Variants in HMGCLL1 observed in about 807,000 individuals in gnomAD.
The protein encoded by HMGCLL1 is 3-hydroxymethyl-3-methylglutaryl-CoA lyase, cytoplasmic.
Under a neutral mutation model 39.1 loss-of-function variants are expected in HMGCLL1, and 36 were observed. That is an observed-to-expected ratio of 0.92 (90% confidence interval 0.71 to 1.22). The LOEUF is 1.22. HMGCLL1 is among the 50% of genes most tolerant of loss of function. The pLI is 0.00. For missense variants in HMGCLL1, 451 were observed against 416.5 expected, an observed-to-expected ratio of 1.08 and a Z score of -0.72; for synonymous variants, 149 against 144.0, an observed-to-expected ratio of 1.03 and a Z score of -0.25.
chr6:55,675,802 T>G, the HMGCLL1 span, among the ~76,000 whole-genome samples: 1 of 152,318 alleles, frequency 6.6e-6, no homozygotes, highest in East Asian at 1.9e-4. Flanking sequence ...TGTGAATGTT[T>G]GATGTTATTG....
At chr6:55,626,425 G>C in the HMGCLL1 span, among the ~76,000 whole-genome samples, 3 of 152,214 alleles carry the variant, frequency 2.0e-5, no homozygotes, top group East Asian at 5.8e-4. Context: ...GAAGTAGCTG[G>C]ATTGATAGAA....
chr6:55,477,366 T>TA (rs1299865715), intron 7 of HMGCLL1, among the ~76,000 whole-genome samples: 6 of 33,364 alleles, frequency 1.8e-4, no homozygotes, highest in African/African-American at 6.6e-4. Flanking sequence ...ATATATTATA[T>TA]TAATATAATA....
At chr6:55,615,816 C>A in the HMGCLL1 span, among the ~76,000 whole-genome samples, 3 of 152,094 alleles carry the variant, frequency 2.0e-5, no homozygotes, top group Admixed American at 6.6e-5. Context: ...AAAGCTTATT[C>A]TTTGGGAAAG....
At chr6:55,492,091 A>C (rs1028154500) in intron 7 of HMGCLL1, among the ~76,000 whole-genome samples, 2 of 152,118 alleles carry the variant, frequency 1.3e-5, no homozygotes, top group Non-Finnish European at 2.9e-5. Context: ...TCCTTGCCTT[A>C]ATATTAACTT....
the HMGCLL1 span, among the ~76,000 whole-genome samples, chr6:55,600,857 A>G: frequency 6.6e-6 from 1 of 152,150 alleles, no homozygotes; most frequent in African/African-American, 2.4e-5. Context: ...TGTAGAAGCT[A>G]TGTTACAATG....
the HMGCLL1 span, among the ~76,000 whole-genome samples, chr6:55,629,217 C>T: frequency 8.5e-5 from 13 of 152,092 alleles, no homozygotes; most frequent in Non-Finnish European, 1.8e-4. Context: ...GAGGTGGTCT[C>T]AGATGGAGAT....
intron 1 of HMGCLL1, among the ~76,000 whole-genome samples, chr6:55,570,892 A>C (rs766884621): frequency 2.8e-4 from 43 of 152,334 alleles, no homozygotes; most frequent in East Asian, 7.7e-4. Context: ...GAGGCCTCAC[A>C]ATCATGGTGG....
chr6:55,589,377 A>C, the HMGCLL1 span, among the ~76,000 whole-genome samples: 1 of 152,170 alleles, frequency 6.6e-6, no homozygotes, highest in Admixed American at 6.5e-5. Flanking sequence ...AACTCTCAAT[A>C]AATTAGGTAT....
In HMGCLL1 at chr6:55,514,040, A is replaced by G. The variant is rs762698764; in HGVS notation, c.542+8T>C. The stretch of plus-strand genomic sequence containing the variant: ...AACAAAACAGAATTTGTGGGATTTC[A>G]TAAGTACCCTCGTGCTGGAATATTC... On this transcript the variant is annotated splice_region_variant and intron_variant, in intron 5 of 8. Coordinates refer to ENST00000274901, the MANE Select transcript of HMGCLL1 (RefSeq NM_001042406.2). The G allele has an allele frequency of 4.8e-5, 78 of 1,608,630 alleles. No homozygotes were observed. Among genetic ancestry groups the G allele is most frequent in the Non-Finnish European group, 2.0e-5 (24 of 1,178,448 alleles).
chr6:55,591,743 T>C, the HMGCLL1 span, among the ~76,000 whole-genome samples: 3 of 151,578 alleles, frequency 2.0e-5, no homozygotes, highest in East Asian at 3.9e-4. Flanking sequence ...TTTCCCAGAG[T>C]TCCCATGGAA....
At chr6:55,678,899 T>A in the HMGCLL1 span, among the ~76,000 whole-genome samples, 1 of 152,194 alleles carries the variant, frequency 6.6e-6, no homozygotes, top group East Asian at 1.9e-4. Flanking sequence ...GTATACTTAC[T>A]CTTGTTAACA....
At chr6:55,501,029 C>A (rs922346846) in intron 5 of HMGCLL1, among the ~76,000 whole-genome samples, 2 of 151,892 alleles carry the variant, frequency 1.3e-5, no homozygotes, top group African/African-American at 4.8e-5. Context: ...ATTGACAGAA[C>A]CTTAACTCTT....
At chr6:55,488,089 G>T (rs1356588151) in intron 7 of HMGCLL1, among the ~76,000 whole-genome samples, 1 of 151,960 alleles carries the variant, frequency 6.6e-6, no homozygotes, top group Non-Finnish European at 1.5e-5. Context: ...CTGTTGGGCA[G>T]AATAGAAAAT....
intron 7 of HMGCLL1, among the ~76,000 whole-genome samples, chr6:55,469,829 A>G (rs1764969720): frequency 6.6e-6 from 1 of 151,822 alleles, no homozygotes; most frequent in Admixed American, 6.6e-5. Context: ...AAATGCCATT[A>G]AGTTATTTAC....
At position 55,578,584 on chromosome 6, in the gene HMGCLL1, A is replaced by C. The variant is rs115186318; in HGVS notation, c.108+364T>G. ...ATTTGTAGTCTTTGTTACACAGTAC[A>C]AGGAGCACTGAGAATAAGGGCGGTA... On this transcript the variant is annotated intron_variant, in intron 1 of 8. Transcript: ENST00000274901. 9.9e-3 allele frequency among the ~76,000 whole-genome samples: 1,510 copies of C among 152,318 alleles called. 25 individuals are homozygous for C. The highest frequency in any genetic ancestry group is 0.034 in the African/African-American group (1,406 of 41,552).
At chr6:55,642,129 A>G in the HMGCLL1 span, among the ~76,000 whole-genome samples, 2 of 125,008 alleles carry the variant, frequency 1.6e-5, no homozygotes, top group Admixed American at 9.6e-5. Flanking sequence ...TCATTGTTCA[A>G]TTCCCACCTA....
the HMGCLL1 span, among the ~76,000 whole-genome samples, chr6:55,650,126 T>TATACACACATATAC: frequency 1.3e-4 from 7 of 53,756 alleles, no homozygotes; most frequent in Non-Finnish European, 7.0e-5. Flanking sequence ...TATATATATA[T>TATACACACATATAC]ATATATATAC....
the HMGCLL1 span, among the ~76,000 whole-genome samples, chr6:55,631,031 A>C: frequency 6.6e-6 from 1 of 152,068 alleles, no homozygotes; most frequent in Non-Finnish European, 1.5e-5. Context: ...AATGTCTGGA[A>C]GTCATCTTCT....
the HMGCLL1 span, among the ~76,000 whole-genome samples, chr6:55,669,353 C>G: frequency 6.6e-6 from 1 of 151,774 alleles, no homozygotes; most frequent in Non-Finnish European, 1.5e-5. Flanking sequence ...TGGGTTGATA[C>G]ATGTAGTCTG....
Sources: gnomAD v4.1 joint callset for allele counts (sites outside exome capture counted in the v4.1 genomes callset) on GRCh38, gnomAD v4.1.1 for gene constraint, MANE v1.5 for transcripts, NCBI Gene and HGNC (gene_info 2026-07-23, HGNC 2026-07-21) for gene names.